Variants in XRCC5 observed in about 807,000 individuals in gnomAD.
XRCC5 encodes the protein DNA repair protein Ku80.
XRCC5 carries 12 observed loss-of-function variants against 95.7 expected under a neutral mutation model. That is an observed-to-expected ratio of 0.13 (90% CI 0.08 to 0.20). XRCC5 has a LOEUF of 0.20. Among genes scored for constraint, XRCC5 ranks in the 10% least tolerant of loss-of-function variants. XRCC5 has a pLI of 1.00. For synonymous variants in XRCC5, 281 were observed against 290.3 expected, an observed-to-expected ratio of 0.97 and a Z score of 0.33; for missense variants, 595 against 873.9, an observed-to-expected ratio of 0.68 and a Z score of 4.02.
chr2:216,125,397 A>G (rs1696885497), intron 6 of XRCC5, among the ~76,000 whole-genome samples: 2 of 152,148 alleles, frequency 1.3e-5, no homozygotes, highest in South Asian at 2.1e-4. Context: ...GGGTTTCTCC[A>G]TGTTGGTCAG....
At chr2:216,181,510 G>C (rs1275374636) in intron 16 of XRCC5, among the ~76,000 whole-genome samples, 1 of 152,044 alleles carries the variant, frequency 6.6e-6, no homozygotes, top group African/African-American at 2.4e-5. Context: ...TGCAGCATCG[G>C]CTTTCTAAAG....
intron 14 of XRCC5, 69 bp downstream of exon 14, chr2:216,148,345 TG>T: frequency 6.9e-7 from 1 of 1,443,734 alleles, no homozygotes; most frequent in Non-Finnish European, 9.4e-7. Flanking sequence ...AGAGTGGCTC[TG>T]GAAGTGTCAC....
intron 1 of XRCC5, 107 bp downstream of exon 1, chr2:216,109,564 GAGA>G: frequency 6.6e-7 from 1 of 1,512,452 alleles, no homozygotes; most frequent in East Asian, 2.4e-5. Context: ...AATGGGGCAA[GAGA>G]AGATCATGGT....
chr2:216,180,234 G>T (rs1276383169), intron 16 of XRCC5, among the ~76,000 whole-genome samples: 1 of 152,160 alleles, frequency 6.6e-6, no homozygotes, highest in Non-Finnish European at 1.5e-5. Context: ...CAGGTGGAAG[G>T]GGTAACTTAG....
At chr2:216,112,514 A>C (rs578144544) in intron 1 of XRCC5, among the ~76,000 whole-genome samples, 2 of 152,204 alleles carry the variant, frequency 1.3e-5, no homozygotes, top group Non-Finnish European at 2.9e-5. Context: ...AACTGACTCA[A>C]ATTGTCAGGG....
rs200973743 is a variant in XRCC5, at chr2:216,204,404, C to T, written c.2184+8C>T. The T allele has an allele frequency of 8.9e-5, 143 of 1,613,732 alleles. 1 individual carries two copies. The African/African-American group carries it at 1.7e-3, about 19-fold the overall frequency. On this transcript the variant is annotated splice_region_variant and intron_variant, in intron 20 of 20. Coordinates refer to ENST00000392132, the MANE Select transcript of XRCC5 (RefSeq NM_021141.4). The stretch of plus-strand genomic sequence containing the variant: ...GGTGATGTGGACGATTTAGTAAGTA[C>T]TTTTAATATGCACCTGGTGTTCTAT...
At chr2:216,202,078 A>G (rs929039405) in intron 19 of XRCC5, among the ~76,000 whole-genome samples, 8 of 152,214 alleles carry the variant, frequency 5.3e-5, no homozygotes, top group Admixed American at 2.6e-4. Context: ...GTGCTTAAGT[A>G]TATATACCAT....
rs763864039 is a variant in XRCC5 at position 216,111,505 on chromosome 2, C to G, written c.22-1511C>G. 127 of 308,368 alleles carry G rather than the reference C, an allele frequency of 4.1e-4. 3 individuals carry two copies. The highest frequency in any genetic ancestry group is 2.7e-3 in the South Asian group (118 of 44,014). 19.1% of individuals were successfully genotyped at this position (308,368 alleles called of 1,614,324 possible). Reference sequence around the variant, plus strand: ...TGCCACTGTACTCCAGCCTGGGTGACAGTGAGACCATGTCTCAAAAAAAAG... The same window carrying G: ...TGCCACTGTACTCCAGCCTGGGTGAGAGTGAGACCATGTCTCAAAAAAAAG... On this transcript the variant is annotated intron_variant, in intron 1 of 20. Transcript: ENST00000392132.
chr2:216,147,878 G>A (rs1688669012), intron 13 of XRCC5, among the ~76,000 whole-genome samples: 1 of 152,154 alleles, frequency 6.6e-6, no homozygotes, highest in Non-Finnish European at 1.5e-5. Context: ...TGCTAGGCTT[G>A]GATCTATTTT....
chr2:216,171,586 T>G (rs531097775), intron 16 of XRCC5, among the ~76,000 whole-genome samples: 109 of 152,344 alleles, frequency 7.2e-4, no homozygotes, highest in African/African-American at 2.6e-3. Flanking sequence ...TGTTCATGTC[T>G]CTCAGTGGTA....
chr2:216,131,896 G>C (rs766327681), intron 9 of XRCC5, among the ~76,000 whole-genome samples: 1 of 152,166 alleles, frequency 6.6e-6, no homozygotes, highest in Non-Finnish European at 1.5e-5. Flanking sequence ...GAACGCTTGT[G>C]CCCAGACTTT....
At chr2:216,142,515 G>A (rs1375121453) in intron 13 of XRCC5, among the ~76,000 whole-genome samples, 1 of 152,132 alleles carries the variant, frequency 6.6e-6, no homozygotes, top group Non-Finnish European at 1.5e-5. Flanking sequence ...GCTAGACCAA[G>A]GTTGAAGGAG....
chr2:216,194,398 C>T (rs1689677780), intron 18 of XRCC5, among the ~76,000 whole-genome samples: 1 of 152,106 alleles, frequency 6.6e-6, no homozygotes, highest in Non-Finnish European at 1.5e-5. Flanking sequence ...AAAATATATT[C>T]TTAGGAGAGA....
intron 1 of XRCC5, 131 bp downstream of exon 1, chr2:216,109,588 G>T: frequency 2.9e-6 from 4 of 1,379,730 alleles, no homozygotes; most frequent in Non-Finnish European, 4.0e-6. Context: ...GGTGGGCTCA[G>T]TCAGGAGGGC....
At chr2:216,124,129 C>T (rs1696867511) in intron 6 of XRCC5, among the ~76,000 whole-genome samples, 2 of 152,184 alleles carry the variant, frequency 1.3e-5, no homozygotes, top group Non-Finnish European at 2.9e-5. Flanking sequence ...AGAACATTAC[C>T]ATCATTGCAG....
intron 7 of XRCC5, among the ~76,000 whole-genome samples, chr2:216,127,126 G>C (rs1275685494): frequency 6.6e-6 from 1 of 152,098 alleles, no homozygotes; most frequent in African/African-American, 2.4e-5. Context: ...TGTAGTCCCA[G>C]CTACTTGGGT....
In XRCC5 at chr2:216,127,764, A is replaced by C. The variant is rs921335034; in HGVS notation, c.937+90A>C. The C allele has an allele frequency of 2.2e-6, 3 of 1,365,934 alleles. No individual in the cohort carries two copies. In the Admixed American group the frequency reaches 7.8e-5, roughly 36 times the overall value. The allele number at this position is 1,365,934 out of a possible 1,614,324, so 84.6% of individuals were successfully genotyped here. A position where few individuals can be genotyped will look rare whatever the true frequency, so the allele number is the denominator to read the frequency against. On this transcript the variant is annotated intron_variant, in intron 8 of 20. Transcript: ENST00000392132. ...CTGGGGTTTGTATTATTCTTTGTTT[A>C]AAGTTATTTCTTTGAGTTATAGAAA...
chr2:216,159,400 C>T (rs998214858), intron 14 of XRCC5, among the ~76,000 whole-genome samples: 7 of 152,176 alleles, frequency 4.6e-5, no homozygotes, highest in African/African-American at 1.7e-4. Flanking sequence ...GTTTGATATA[C>T]TTTTCCTTAG....
chr2:216,187,079 A>G (rs1456617227), intron 16 of XRCC5, among the ~76,000 whole-genome samples: 1 of 152,196 alleles, frequency 6.6e-6, no homozygotes, highest in Non-Finnish European at 1.5e-5. Flanking sequence ...TAGTCTGGGT[A>G]GAGGGACAGA....
Sources: allele counts gnomAD v4.1 joint callset (sites outside exome capture counted in the v4.1 genomes callset), GRCh38; gene constraint gnomAD v4.1.1; transcripts MANE v1.5; gene names NCBI Gene and HGNC (gene_info 2026-07-23, HGNC 2026-07-21).